BMP6: variants seen among roughly 807,000 people sequenced by gnomAD.
The protein encoded by BMP6 is VG-1-R.
Under a neutral mutation model 54.1 loss-of-function variants are expected in BMP6, and 17 were observed. That is an observed-to-expected ratio of 0.31 (90% CI 0.22 to 0.47). The LOEUF (loss-of-function observed/expected upper bound fraction) is 0.47, where lower values mean the gene tolerates loss of function less well. Ranked by LOEUF, BMP6 falls within the 20% of genes least tolerant of loss-of-function variation. The pLI is 1.00. For synonymous variants in BMP6, 328 were observed against 291.2 expected, an observed-to-expected ratio of 1.13 and a Z score of -1.28; for missense variants, 720 against 690.4, an observed-to-expected ratio of 1.04 and a Z score of -0.48.
chr6:7,805,926 G>T (rs1439007896), intron 1 of BMP6, among the ~76,000 whole-genome samples: 1 of 152,198 alleles, frequency 6.6e-6, no homozygotes, highest in Non-Finnish European at 1.5e-5. Flanking sequence ...TTTATCTCGG[G>T]TTGGAATGAC....
chr6:7,880,485 A>AT lies in BMP6; in HGVS notation c.*146dup. The AT allele has an allele frequency of 8.8e-7, 1 of 1,134,972 alleles. No individual in the cohort carries two copies. Among genetic ancestry groups the AT allele is most frequent in the Non-Finnish European group, 1.3e-6 (1 of 796,758 alleles). The allele number at this position is 1,134,972 out of a possible 1,614,324, so 70.3% of individuals were successfully genotyped here. A position where few individuals can be genotyped will look rare whatever the true frequency, so the allele number is the denominator to read the frequency against. ...TGCCAGTGCCTTATTACCCAGGAAG[A>AT]TTTTAAAGGACCTCATTAATAATTT... is the stretch of plus-strand genomic sequence containing the variant. On this transcript the variant is annotated 3_prime_UTR_variant, in exon 7 of 7. Coordinates refer to ENST00000283147, the MANE Select transcript of BMP6 (RefSeq NM_001718.6).
chr6:7,777,856 C>T (rs149954348), intron 1 of BMP6, among the ~76,000 whole-genome samples: 175 of 151,968 alleles, frequency 1.2e-3, no homozygotes, highest in African/African-American at 4.0e-3. Context: ...CTCTCCCAAG[C>T]GACAAACACT....
intron 1 of BMP6, among the ~76,000 whole-genome samples, chr6:7,807,486 G>A (rs750979589): frequency 5.9e-5 from 9 of 152,096 alleles, no homozygotes; most frequent in East Asian, 5.8e-4. Flanking sequence ...TCACCATGTT[G>A]GCCAGACTGG....
chr6:7,844,072 C>T (rs1759019913), intron 1 of BMP6, among the ~76,000 whole-genome samples: 1 of 152,008 alleles, frequency 6.6e-6, no homozygotes, highest in Admixed American at 6.6e-5. Flanking sequence ...TCCTGGTAAC[C>T]TCCATTCTAT....
chr6:7,775,140 G>A (rs36045310), intron 1 of BMP6, among the ~76,000 whole-genome samples: 13,982 of 152,214 alleles, frequency 0.092, 807 homozygotes, highest in East Asian at 0.33. Flanking sequence ...TTGCGTTGGG[G>A]ATTAAGTCTC....
chr6:7,822,811 G>A (rs183800313), intron 1 of BMP6, among the ~76,000 whole-genome samples: 166 of 152,168 alleles, frequency 1.1e-3, no homozygotes, highest in East Asian at 5.0e-3. Context: ...AATTCAGAGT[G>A]TTTTGGATCT....
intron 1 of BMP6, among the ~76,000 whole-genome samples, chr6:7,767,036 G>T (rs1416107113): frequency 1.3e-5 from 2 of 149,708 alleles, no homozygotes; most frequent in Admixed American, 6.6e-5. Flanking sequence ...ACCCAGGCTG[G>T]GGTGCAGTGG....
At chr6:7,746,454 C>T (rs753325908) in intron 1 of BMP6, among the ~76,000 whole-genome samples, 5 of 152,124 alleles carry the variant, frequency 3.3e-5, no homozygotes, top group Admixed American at 6.5e-5. Flanking sequence ...TCCCCCCTCC[C>T]GTTTAATCTG....
At chr6:7,850,972 C>A (rs112839225) in intron 2 of BMP6, among the ~76,000 whole-genome samples, 4,433 of 152,046 alleles carry the variant, frequency 0.029, 90 homozygotes, top group Middle Eastern at 0.075. Flanking sequence ...TCTTCTGTTC[C>A]CTGGGTTAAT....
chr6:7,842,608 G>A (rs1050896734), intron 1 of BMP6, among the ~76,000 whole-genome samples: 20 of 152,270 alleles, frequency 1.3e-4, no homozygotes, highest in African/African-American at 4.3e-4. Flanking sequence ...GAAGACTTTC[G>A]TTCTGTTGGT....
intron 1 of BMP6, among the ~76,000 whole-genome samples, chr6:7,819,743 C>A (rs920102721): frequency 6.6e-6 from 1 of 152,156 alleles, no homozygotes; most frequent in African/African-American, 2.4e-5. Context: ...GTCTTTAAAT[C>A]CCAGATGTTG....
intron 4 of BMP6, among the ~76,000 whole-genome samples, chr6:7,877,093 T>C (rs778337861): frequency 1.3e-5 from 2 of 152,170 alleles, no homozygotes; most frequent in East Asian, 1.9e-4. Context: ...TTCTGTCTTA[T>C]GGTGATAGTT....
chr6:7,764,562 T>C (rs1285791644), intron 1 of BMP6, among the ~76,000 whole-genome samples: 7 of 152,182 alleles, frequency 4.6e-5, no homozygotes, highest in African/African-American at 1.7e-4. Flanking sequence ...CAGATGTTCG[T>C]TCTGATGGTG....
chr6:7,814,793 G>A (rs1182924121), intron 1 of BMP6, among the ~76,000 whole-genome samples: 2 of 152,062 alleles, frequency 1.3e-5, no homozygotes, highest in East Asian at 1.9e-4. Context: ...ACACAAGGAG[G>A]GGAACATCAC....
chr6:7,813,186 T>A (rs1469599981), intron 1 of BMP6, among the ~76,000 whole-genome samples: 2 of 118,862 alleles, frequency 1.7e-5, no homozygotes, highest in African/African-American at 6.6e-5. Context: ...GGGATCTTCA[T>A]GACACATAAT....
At chr6:7,795,369 G>T (rs1476979256) in intron 1 of BMP6, among the ~76,000 whole-genome samples, 1 of 152,180 alleles carries the variant, frequency 6.6e-6, no homozygotes, top group African/African-American at 2.4e-5. Flanking sequence ...CTGGGAAGAT[G>T]ATCTAGAGAG....
At chr6:7,737,357 T>C (rs1207793006) in intron 1 of BMP6, among the ~76,000 whole-genome samples, 1 of 152,082 alleles carries the variant, frequency 6.6e-6, no homozygotes, top group Non-Finnish European at 1.5e-5. Context: ...CTAAGGTGTA[T>C]GAAGGGAAGA....
At chr6:7,836,053 C>T (rs780936294) in intron 1 of BMP6, among the ~76,000 whole-genome samples, 6 of 152,082 alleles carry the variant, frequency 3.9e-5, no homozygotes, top group African/African-American at 1.2e-4. Context: ...GTTGGCCAGG[C>T]CGGTCTCAAA....
At chr6:7,764,243 T>C (rs920492364) in intron 1 of BMP6, among the ~76,000 whole-genome samples, 1 of 152,188 alleles carries the variant, frequency 6.6e-6, no homozygotes, top group Non-Finnish European at 1.5e-5. Flanking sequence ...TTTCATCTGC[T>C]TTCCTCAAAT....
Sources: allele counts gnomAD v4.1 joint callset (sites outside exome capture counted in the v4.1 genomes callset), GRCh38; gene constraint gnomAD v4.1.1; transcripts MANE v1.5; gene names NCBI Gene and HGNC (gene_info 2026-07-23, HGNC 2026-07-21).